ARHGAP20: variants seen among roughly 807,000 people sequenced by gnomAD.
ARHGAP20 encodes the protein rho GTPase-activating protein 20.
A neutral mutation model predicts 73.7 loss-of-function variants in ARHGAP20; 34 were observed. The ratio of observed to expected loss-of-function variants is 0.46; its 90% CI spans 0.35 to 0.61. The LOEUF (loss-of-function observed/expected upper bound fraction) is 0.61, where lower values mean the gene tolerates loss of function less well. Among genes scored for constraint, ARHGAP20 ranks in the 20% least tolerant of loss-of-function variants. The pLI is 0.00. For synonymous variants in ARHGAP20, 523 were observed against 518.2 expected (o/e 1.01, Z -0.13); for missense variants, 1,314 against 1,420.9 (o/e 0.92, Z 1.21).
At chr11:110,650,610 T>C (rs144007327) in intron 2 of ARHGAP20, among the ~76,000 whole-genome samples, 1 of 152,256 alleles carries the variant, frequency 6.6e-6, no homozygotes, top group African/African-American at 2.4e-5. Flanking sequence ...ACTCTATTGC[T>C]GGAATTATTT....
At chr11:110,608,858 A>G (rs1948297175) in intron 8 of ARHGAP20, 126 bp downstream of exon 8, 1 of 730,982 alleles carries the variant, frequency 1.4e-6, no homozygotes, top group African/African-American at 1.8e-5. Context: ...TCTTTATTAA[A>G]TGAACACCAT....
chr11:110,681,479 G>A (rs2135094458), intron 2 of ARHGAP20, among the ~76,000 whole-genome samples: 1 of 152,184 alleles, frequency 6.6e-6, no homozygotes, highest in South Asian at 2.1e-4. Context: ...TATCTGAAAG[G>A]TCCACACTAA....
chr11:110,655,356 A>C (rs188298673), intron 2 of ARHGAP20, among the ~76,000 whole-genome samples: 2 of 152,294 alleles, frequency 1.3e-5, no homozygotes, highest in Non-Finnish European at 2.9e-5. Flanking sequence ...AATGAGATTT[A>C]AATCTACCTT....
At chr11:110,650,255 C>T (rs1949320414) in intron 2 of ARHGAP20, among the ~76,000 whole-genome samples, 1 of 152,024 alleles carries the variant, frequency 6.6e-6, no homozygotes. Flanking sequence ...ATTTCTGAAC[C>T]CCTGTTCCTA....
chr11:110,651,874 G>A (rs1198463917), intron 2 of ARHGAP20, among the ~76,000 whole-genome samples: 2 of 152,008 alleles, frequency 1.3e-5, no homozygotes, highest in Admixed American at 6.6e-5. Flanking sequence ...GGGACTCCTC[G>A]CTAACTCATT....
chr11:110,577,555 A>G lies in ARHGAP20; in HGVS notation c.*1815T>C. The G allele has an allele frequency of 1.0e-6, 1 of 990,958 alleles. No individual in the cohort carries two copies. The highest frequency in any genetic ancestry group is 1.2e-6 in the Non-Finnish European group (1 of 833,498). 61.4% of individuals were successfully genotyped at this position (990,958 alleles called of 1,614,324 possible). A position where few individuals can be genotyped will look rare whatever the true frequency, so the allele number is the denominator to read the frequency against. On this transcript the variant is annotated 3_prime_UTR_variant, in exon 15 of 15. Coordinates refer to ENST00000683387, the MANE Select transcript of ARHGAP20 (RefSeq NM_001384657.1). ...TTCACATCTTGCAGTTCTGACTGAC[A>G]GTAGTATGCCCTAAGGGAAAGGGGA...
chr11:110,685,146 G>A (rs752457878), intron 2 of ARHGAP20, among the ~76,000 whole-genome samples: 28 of 151,994 alleles, frequency 1.8e-4, no homozygotes, highest in Non-Finnish European at 3.1e-4. Flanking sequence ...AGTCTTCTGG[G>A]AAATCTTTTT....
chr11:110,590,544 T>C, intron 11 of ARHGAP20, 104 bp downstream of exon 11: 1 of 1,220,544 alleles, frequency 8.2e-7, no homozygotes, highest in Non-Finnish European at 1.1e-6. Context: ...AATAAATCTA[T>C]TATGGGTCTT....
At chr11:110,701,000 T>C (rs910820386) in intron 1 of ARHGAP20, among the ~76,000 whole-genome samples, 10 of 151,212 alleles carry the variant, frequency 6.6e-5, no homozygotes, top group Non-Finnish European at 1.2e-4. Context: ...TGTTGGACAT[T>C]TGGGTTGGTT....
rs1239722848 is a variant in ARHGAP20, at chr11:110,582,364, G to A, written c.1677C>T (p.Phe559=). 1 of 1,613,710 alleles carries A rather than the reference G, an allele frequency of 6.2e-7. No individual in the cohort carries two copies. The highest frequency in any genetic ancestry group is 2.2e-5 in the East Asian group (1 of 44,890). Residue 559 remains phenylalanine (F), a synonymous_variant, in exon 14 of 15, where the codon TTC becomes TTT. Coordinates refer to ENST00000683387, the MANE Select transcript of ARHGAP20 (RefSeq NM_001384657.1). ...RIFGEEITSL[F]REVSVRCDTR... ...TGTCACATCTCACTGAAACCTCTCT[G>A]AAGAGGGAAGTGATTTCTTCTCCAA...
intron 11 of ARHGAP20, among the ~76,000 whole-genome samples, chr11:110,590,120 CAAAAA>C (rs558720081): frequency 4.7e-5 from 3 of 63,996 alleles, no homozygotes; most frequent in Non-Finnish European, 9.6e-5. Flanking sequence ...GACCCCGCCT[CAAAAA>C]AAAAAAAAAA....
At chr11:110,679,647 T>C (rs919746791) in intron 2 of ARHGAP20, among the ~76,000 whole-genome samples, 1 of 152,108 alleles carries the variant, frequency 6.6e-6, no homozygotes, top group African/African-American at 2.4e-5. Context: ...GAAAAAAGTA[T>C]GAGAAGAATT....
chr11:110,685,258 T>C (rs1044469587), intron 2 of ARHGAP20, among the ~76,000 whole-genome samples: 2 of 152,146 alleles, frequency 1.3e-5, no homozygotes, highest in South Asian at 2.1e-4. Flanking sequence ...AACTAAACCC[T>C]TTAACATATG....
intron 11 of ARHGAP20, 93 bp downstream of exon 11, chr11:110,590,555 T>C: frequency 7.6e-7 from 1 of 1,309,510 alleles, no homozygotes; most frequent in Non-Finnish European, 1.0e-6. Context: ...TATGGGTCTT[T>C]GCAAATAGAA....
At chr11:110,694,407 T>C (rs1309734771) in intron 1 of ARHGAP20, among the ~76,000 whole-genome samples, 1 of 151,810 alleles carries the variant, frequency 6.6e-6, no homozygotes, top group African/African-American at 2.4e-5. Context: ...TGCTGTCTCC[T>C]CTGCAGTTAT....
chr11:110,694,672 A>T (rs1346015987), intron 1 of ARHGAP20, among the ~76,000 whole-genome samples: 1 of 151,576 alleles, frequency 6.6e-6, no homozygotes, highest in Non-Finnish European at 1.5e-5. Flanking sequence ...AGCATTTCAC[A>T]TTATACTTAT....
At chr11:110,606,813 A>C in intron 8 of ARHGAP20, 64 bp from the exon 9 acceptor site, 1 of 1,365,716 alleles carries the variant, frequency 7.3e-7, no homozygotes, top group Non-Finnish European at 9.8e-7. Flanking sequence ...TGTGTACTGC[A>C]AAATAGGAAT....
intron 2 of ARHGAP20, among the ~76,000 whole-genome samples, chr11:110,657,963 G>A (rs1047322683): frequency 7.3e-6 from 1 of 136,848 alleles, no homozygotes; most frequent in Non-Finnish European, 1.6e-5. Flanking sequence ...AGGAAGGAAG[G>A]AAGGAAGAAA....
chr11:110,638,245 T>A (rs1949009306), intron 2 of ARHGAP20, among the ~76,000 whole-genome samples: 1 of 152,056 alleles, frequency 6.6e-6, no homozygotes, highest in Non-Finnish European at 1.5e-5. Flanking sequence ...ATATAAAGTG[T>A]ATATGAAATA....
Sources: gnomAD v4.1 joint callset for allele counts (sites outside exome capture counted in the v4.1 genomes callset) on GRCh38, gnomAD v4.1.1 for gene constraint, MANE v1.5 for transcripts, NCBI Gene and HGNC (gene_info 2026-07-23, HGNC 2026-07-21) for gene names.